HDX: variants seen among roughly 807,000 people sequenced by gnomAD.
HDX encodes the protein highly divergent homeobox.
Under a neutral mutation model 45.2 loss-of-function variants are expected in HDX, and 19 were observed. The ratio of observed to expected loss-of-function variants is 0.42; its 90% CI spans 0.29 to 0.62. The LOEUF (loss-of-function observed/expected upper bound fraction) is 0.62, where lower values mean the gene tolerates loss of function less well. HDX is among the 20% of genes least tolerant of loss of function. The probability of loss-of-function intolerance (pLI) is 0.20; values close to 1 mark genes in which losing one functional copy is unlikely to be tolerated. For synonymous variants in HDX, 188 were observed against 172.8 expected (o/e 1.09, Z -0.69); for missense variants, 532 against 493.9 (o/e 1.08, Z -0.73).
intron 5 of HDX, among the ~76,000 whole-genome samples, chrX:84,430,654 C>A (rs749729486): frequency 1.6e-4 from 17 of 103,097 alleles, no homozygotes; most frequent in Admixed American, 2.2e-4. Context: ...TAAGAGAGAT[C>A]TTTTCTCTGC....
intron 5 of HDX, 174 bp downstream of exon 5, chrX:84,440,358 T>A: frequency 2.4e-6 from 1 of 413,745 alleles, no homozygotes; most frequent in Non-Finnish European, 4.2e-6. Context: ...ATAATTAAGA[T>A]TACATTTGCA....
Position 84,426,917 on chromosome X carries a change from A to T in HDX, c.1305+13615T>A, listed in dbSNP as rs188928337. Among the ~76,000 whole-genome samples, 15 of 110,737 alleles carry T rather than the reference A, an allele frequency of 1.4e-4. No homozygotes were observed. The East Asian group carries it at 4.2e-3, about 31-fold the overall frequency. ...AAACATCACATTATACACCTTAAATATATACAATTTTATTTTAAAAATAAA... is the reference window on the plus strand; with the variant it reads ...AAACATCACATTATACACCTTAAATTTATACAATTTTATTTTAAAAATAAA... On this transcript the variant is annotated intron_variant, in intron 5 of 10. Coordinates refer to ENST00000373177, the MANE Select transcript of HDX (RefSeq NM_001177479.2).
At chrX:84,408,780 T>G (rs2038905760) in intron 5 of HDX, among the ~76,000 whole-genome samples, 1 of 110,306 alleles carries the variant, frequency 9.1e-6, no homozygotes, top group Non-Finnish European at 1.9e-5. Context: ...ATCTTCCACC[T>G]CCTTGGTTAG....
chrX:84,465,572 A>G (rs1447376611), intron 4 of HDX, among the ~76,000 whole-genome samples: 6 of 112,180 alleles, frequency 5.3e-5, no homozygotes, highest in Non-Finnish European at 7.5e-5. Flanking sequence ...ACACAAGAAC[A>G]GAAAACCAAA....
intron 5 of HDX, among the ~76,000 whole-genome samples, chrX:84,387,721 G>A (rs960659262): frequency 9.0e-6 from 1 of 111,614 alleles, no homozygotes; most frequent in Non-Finnish European, 1.9e-5. Flanking sequence ...TTACATGTGA[G>A]ATGGATCTCT....
chrX:84,342,243 A>G (rs1292392273), intron 7 of HDX, among the ~76,000 whole-genome samples: 1 of 111,672 alleles, frequency 9.0e-6, no homozygotes. Flanking sequence ...ATCTTCCTAC[A>G]GTATTCTATA....
At chrX:84,339,272 T>C (rs1254937450) in intron 7 of HDX, among the ~76,000 whole-genome samples, 3 of 111,404 alleles carry the variant, frequency 2.7e-5, no homozygotes, top group African/African-American at 9.8e-5. Context: ...TCACAGACAT[T>C]TCAATTCCTA....
At chrX:84,496,966 T>C (rs1191806146) in intron 1 of HDX, among the ~76,000 whole-genome samples, 1 of 111,245 alleles carries the variant, frequency 9.0e-6, no homozygotes, top group Non-Finnish European at 1.9e-5. Context: ...AGTAACCTGA[T>C]GGAAAATGAC....
Position 84,321,809 on chromosome X carries a change from G to A in HDX, c.*80C>T, listed in dbSNP as rs1811036123. ...TGTTTTCCCAACTAAAGAATACCAG[G>A]GCAACAGAATGCAGTTATCTTGAAA... is the stretch of plus-strand genomic sequence containing the variant. On this transcript the variant is annotated 3_prime_UTR_variant, in exon 11 of 11. Coordinates refer to ENST00000373177, the MANE Select transcript of HDX (RefSeq NM_001177479.2). The A allele has an allele frequency of 5.0e-6, 4 of 800,592 alleles. No individual in the cohort carries two copies. The highest frequency in any genetic ancestry group is 7.0e-6 in the Non-Finnish European group (4 of 568,444). 66.0% of individuals were successfully genotyped at this position (800,592 alleles called of 1,213,427 possible).
At chrX:84,399,337 G>T (rs1173272386) in intron 5 of HDX, among the ~76,000 whole-genome samples, 1 of 109,620 alleles carries the variant, frequency 9.1e-6, no homozygotes, top group Non-Finnish European at 1.9e-5. Context: ...AAGAAGAAAA[G>T]AGAGAAGTAT....
chrX:84,356,993 G>T (rs2037503530), intron 6 of HDX, among the ~76,000 whole-genome samples: 1 of 111,289 alleles, frequency 9.0e-6, no homozygotes, highest in Non-Finnish European at 1.9e-5. Context: ...CTCCTCTCTT[G>T]CAGTATGGCT....
intron 5 of HDX, among the ~76,000 whole-genome samples, chrX:84,423,660 T>C (rs1011818230): frequency 9.0e-6 from 1 of 111,484 alleles, no homozygotes; most frequent in African/African-American, 3.3e-5. Context: ...TGTTTCAACA[T>C]ACAAAATCAA....
chrX:84,346,998 T>C (rs766751119), intron 6 of HDX, among the ~76,000 whole-genome samples: 3 of 111,592 alleles, frequency 2.7e-5, no homozygotes, highest in Non-Finnish European at 5.7e-5. Context: ...TTTATTTAGA[T>C]CTTTGATTTC....
chrX:84,450,845 ATCT>A (rs1457164921), intron 4 of HDX, among the ~76,000 whole-genome samples: 1 of 112,252 alleles, frequency 8.9e-6, no homozygotes, highest in Non-Finnish European at 1.9e-5. Context: ...TATATAGAGT[ATCT>A]TCTTAGACCA....
intron 6 of HDX, among the ~76,000 whole-genome samples, chrX:84,345,305 T>C (rs2037174651): frequency 9.0e-6 from 1 of 111,292 alleles, no homozygotes; most frequent in African/African-American, 3.3e-5. Flanking sequence ...CCATTCCTCT[T>C]CCTCTCCTTC....
chrX:84,376,311 C>T (rs954750838), intron 5 of HDX, among the ~76,000 whole-genome samples: 1 of 112,016 alleles, frequency 8.9e-6, no homozygotes, highest in Admixed American at 9.5e-5. Flanking sequence ...CATGACTAGC[C>T]GTGGGGACTA....
At chrX:84,335,753 G>A (rs1293268674) in intron 8 of HDX, among the ~76,000 whole-genome samples, 1 of 111,106 alleles carries the variant, frequency 9.0e-6, no homozygotes, top group African/African-American at 3.3e-5. Flanking sequence ...CTGTATGCTT[G>A]TTAAACTTAG....
At chrX:84,403,706 C>T (rs760813104) in intron 5 of HDX, among the ~76,000 whole-genome samples, 1 of 111,979 alleles carries the variant, frequency 8.9e-6, no homozygotes, top group Admixed American at 9.5e-5. Flanking sequence ...GAACCTTCTT[C>T]AAAAATTATG....
At chrX:84,418,871 A>G (rs2039179804) in intron 5 of HDX, among the ~76,000 whole-genome samples, 1 of 110,749 alleles carries the variant, frequency 9.0e-6, no homozygotes, top group African/African-American at 3.3e-5. Flanking sequence ...GCTCCAAAAG[A>G]GACCCCTTCC....
Sources: gnomAD v4.1 joint callset for allele counts (sites outside exome capture counted in the v4.1 genomes callset) on GRCh38, gnomAD v4.1.1 for gene constraint, MANE v1.5 for transcripts, NCBI Gene and HGNC (gene_info 2026-07-23, HGNC 2026-07-21) for gene names.